The following RANBP17 variants were observed in gnomAD, a reference collection of about 807,000 sequenced individuals.
RANBP17 encodes the protein ran-binding protein 17.
RANBP17 carries 158 observed loss-of-function variants against 141.2 expected under a neutral mutation model. That is an observed-to-expected ratio of 1.12 (90% confidence interval 0.98 to 1.28). The LOEUF is 1.28. RANBP17 is among the 50% of genes most tolerant of loss of function. The pLI, the probability that RANBP17 is intolerant of heterozygous loss-of-function variation, is 0.00. For synonymous variants in RANBP17, 430 were observed against 450.0 expected (o/e 0.96, Z 0.56); for missense variants, 1,438 against 1,290.7 (o/e 1.11, Z -1.75).
At chr5:170,943,171 A>G (rs1774471118) in intron 12 of RANBP17, among the ~76,000 whole-genome samples, 1 of 152,138 alleles carries the variant, frequency 6.6e-6, no homozygotes, top group Non-Finnish European at 1.5e-5. Flanking sequence ...CCTAGTTTGT[A>G]TACACTGTGT....
chr5:171,205,804 A>T (rs1220291532), intron 20 of RANBP17, 192 bp downstream of exon 20: 1 of 684,650 alleles, frequency 1.5e-6, no homozygotes. Flanking sequence ...GACCCAGCTC[A>T]GAGAAGTCAC....
chr5:171,297,780 T>G (rs1054201363), intron 27 of RANBP17, among the ~76,000 whole-genome samples: 1 of 151,144 alleles, frequency 6.6e-6, no homozygotes, highest in Non-Finnish European at 1.5e-5. Flanking sequence ...CTTTTTTCCG[T>G]GTACCAGGCA....
At chr5:171,199,811 T>A (rs773745226) in intron 19 of RANBP17, 38 bp downstream of exon 19, 3 of 1,325,394 alleles carry the variant, frequency 2.3e-6, no homozygotes, top group Admixed American at 1.8e-5. Flanking sequence ...GACAGTTTTG[T>A]TTTTTCTAGG....
intron 12 of RANBP17, among the ~76,000 whole-genome samples, chr5:170,926,914 G>A (rs940984824): frequency 3.9e-5 from 6 of 151,900 alleles, no homozygotes; most frequent in Non-Finnish European, 7.4e-5. Context: ...TTTTCATTTA[G>A]TGTTTTATAG....
chr5:170,956,281 A>T (rs1015080052), intron 13 of RANBP17, among the ~76,000 whole-genome samples: 2 of 151,888 alleles, frequency 1.3e-5, no homozygotes, highest in African/African-American at 4.8e-5. Flanking sequence ...TGTTATACCT[A>T]CTTGTGATAT....
At chr5:171,263,291 CTT>C (rs1250496914) in intron 24 of RANBP17, among the ~76,000 whole-genome samples, 1 of 152,150 alleles carries the variant, frequency 6.6e-6, no homozygotes, top group Non-Finnish European at 1.5e-5. Context: ...AACTGTTGCT[CTT>C]GTTAACTGTT....
chr5:171,249,025 C>T (rs975656995), intron 24 of RANBP17, among the ~76,000 whole-genome samples: 1 of 152,190 alleles, frequency 6.6e-6, no homozygotes, highest in Admixed American at 6.5e-5. Context: ...GGCACAAAGA[C>T]AGGCACGTTC....
chr5:171,053,207 T>A (rs1201623007), intron 14 of RANBP17, among the ~76,000 whole-genome samples: 1 of 152,178 alleles, frequency 6.6e-6, no homozygotes, highest in Non-Finnish European at 1.5e-5. Context: ...TTCTCTTTTT[T>A]CTCAACTTTT....
At position 171,222,324 on chromosome 5, in the gene RANBP17, A is replaced by G. The variant is rs1763616639; in HGVS notation, c.2422+484A>G. On this transcript the variant is annotated intron_variant, in intron 22 of 27. Transcript: ENST00000523189. ...TTGTCCTATTCAATTAAAGTCCAAA[A>G]TAGTATTTGGTTAGCAGTTTGGGCC... Among the ~76,000 whole-genome samples, 4 of 152,214 alleles carry G rather than the reference A, an allele frequency of 2.6e-5. No homozygotes were observed. The South Asian group carries it at 8.3e-4, about 31-fold the overall frequency.
intron 14 of RANBP17, among the ~76,000 whole-genome samples, chr5:171,021,739 T>A (rs1780870814): frequency 6.6e-6 from 1 of 152,210 alleles, no homozygotes. Context: ...CAGCATAGTT[T>A]TCTGTTACCC....
At position 171,125,895 on chromosome 5, in the gene RANBP17, A is replaced by G. The variant is rs537135938; in HGVS notation, c.1711-44235A>G. 3.9e-5 allele frequency among the ~76,000 whole-genome samples: 6 copies of G among 152,004 alleles called. No individual in the cohort carries two copies. In the East Asian group the frequency reaches 9.7e-4, roughly 25 times the overall value. The stretch of plus-strand genomic sequence containing the variant: ...AACCTCTGCCTCCTGGGTTCAAGCA[A>G]TTCTGCCTCAGCCTCCAGAGTAGCT... On this transcript the variant is annotated intron_variant, in intron 14 of 27. Transcript: ENST00000523189.
At chr5:171,283,826 T>A (rs1478973572) in intron 25 of RANBP17, among the ~76,000 whole-genome samples, 1 of 148,760 alleles carries the variant, frequency 6.7e-6, no homozygotes, top group Non-Finnish European at 1.5e-5. Context: ...AAACACTGTC[T>A]CTTACTCACA....
intron 14 of RANBP17, among the ~76,000 whole-genome samples, chr5:171,042,114 G>A (rs1259150449): frequency 1.3e-5 from 2 of 151,948 alleles, no homozygotes; most frequent in South Asian, 2.1e-4. Flanking sequence ...TGATATATAT[G>A]TACCACATTT....
At chr5:171,295,031 A>G (rs1029692086) in intron 26 of RANBP17, among the ~76,000 whole-genome samples, 3 of 152,210 alleles carry the variant, frequency 2.0e-5, no homozygotes, top group Non-Finnish European at 4.4e-5. Context: ...CCTCTGATAT[A>G]TAGTATTTAA....
intron 14 of RANBP17, among the ~76,000 whole-genome samples, chr5:171,044,532 T>C (rs1782446530): frequency 6.6e-6 from 1 of 152,046 alleles, no homozygotes; most frequent in Non-Finnish European, 1.5e-5. Context: ...AATATTCAAA[T>C]TGGTTTTGCT....
chr5:171,257,427 C>T (rs544833425), intron 24 of RANBP17, among the ~76,000 whole-genome samples: 1 of 152,096 alleles, frequency 6.6e-6, no homozygotes, highest in African/African-American at 2.4e-5. Context: ...AATAAAGGCA[C>T]GTATGACAAA....
intron 22 of RANBP17, among the ~76,000 whole-genome samples, chr5:171,240,542 G>A (rs184029494): frequency 6.6e-6 from 1 of 152,038 alleles, no homozygotes; most frequent in Non-Finnish European, 1.5e-5. Flanking sequence ...TCTCAGTCAG[G>A]TTATCTTTTT....
In RANBP17 at chr5:171,225,515, C is replaced by T. The variant is rs532779373; in HGVS notation, c.2422+3675C>T. ...ACATTGGAGGAAGATCATGTAGTTG[C>T]CATTCAGGAGTCTAGAAGATGAGGG... On this transcript the variant is annotated intron_variant, in intron 22 of 27. Coordinates refer to ENST00000523189, the MANE Select transcript of RANBP17 (RefSeq NM_022897.5). Among the ~76,000 whole-genome samples the T allele has an allele frequency of 2.0e-5, 3 of 152,256 alleles. No homozygotes were observed. In the South Asian group the frequency reaches 6.2e-4, roughly 32 times the overall value.
chr5:170,987,837 G>C (rs1375888265), intron 14 of RANBP17, among the ~76,000 whole-genome samples: 2 of 151,394 alleles, frequency 1.3e-5, no homozygotes, highest in African/African-American at 4.8e-5. Context: ...TGCAGCCACT[G>C]GTAATTAAAA....
Sources: allele counts gnomAD v4.1 joint callset (sites outside exome capture counted in the v4.1 genomes callset), GRCh38; gene constraint gnomAD v4.1.1; transcripts MANE v1.5; gene names NCBI Gene and HGNC (gene_info 2026-07-23, HGNC 2026-07-21).